Variants in DPP10 observed in about 807,000 individuals in gnomAD.
The protein encoded by DPP10 is inactive dipeptidyl peptidase 10.
DPP10 carries 33 observed loss-of-function variants against 120.9 expected under a neutral mutation model. That is an observed-to-expected ratio of 0.27 (90% CI 0.21 to 0.37). The LOEUF (loss-of-function observed/expected upper bound fraction) is 0.37. DPP10 is among the 10% of genes least tolerant of loss of function. DPP10 has a pLI of 1.00. For missense variants in DPP10, 816 were observed against 942.8 expected (o/e 0.87, Z 1.76); for synonymous variants, 337 against 326.1 (o/e 1.03, Z -0.36).
At chr2:115,719,402 A>G (rs1396288119) in intron 7 of DPP10, among the ~76,000 whole-genome samples, 4 of 152,188 alleles carry the variant, frequency 2.6e-5, no homozygotes, top group Admixed American at 1.3e-4. Context: ...TAGTGATTCT[A>G]TTTCTAGAAT....
At chr2:115,815,819 C>T in intron 21 of DPP10, 90 bp downstream of exon 21, 2 of 1,297,926 alleles carry the variant, frequency 1.5e-6, no homozygotes, top group Non-Finnish European at 1.1e-6. Context: ...CAGTTGGTTA[C>T]AGATAAGTTC....
chr2:115,839,018 A>G (rs1689815570), intron 24 of DPP10, among the ~76,000 whole-genome samples: 1 of 152,212 alleles, frequency 6.6e-6, no homozygotes, highest in South Asian at 2.1e-4. Context: ...TGCATTAGAA[A>G]CTAAGCAGAA....
intron 1 of DPP10, among the ~76,000 whole-genome samples, chr2:114,992,638 A>G (rs1700814669): frequency 6.6e-6 from 1 of 152,198 alleles, no homozygotes; most frequent in Non-Finnish European, 1.5e-5. Context: ...TTGACTAAGA[A>G]ACTCCTGAAA....
intron 19 of DPP10, among the ~76,000 whole-genome samples, chr2:115,814,147 T>C (rs1174004584): frequency 6.6e-6 from 1 of 152,166 alleles, no homozygotes; most frequent in Non-Finnish European, 1.5e-5. Flanking sequence ...CTTCTAGCTT[T>C]CAAGTTTTTC....
At chr2:114,726,907 C>T (rs558235431) in intron 1 of DPP10, among the ~76,000 whole-genome samples, 1 of 152,254 alleles carries the variant, frequency 6.6e-6, no homozygotes, top group South Asian at 2.1e-4. Flanking sequence ...TTTTATCATA[C>T]ATAAATATAG....
intron 5 of DPP10, among the ~76,000 whole-genome samples, chr2:115,564,556 A>G (rs569294323): frequency 6.6e-6 from 1 of 152,188 alleles, no homozygotes. Flanking sequence ...GTATTCCAGG[A>G]TATAAATGTA....
intron 5 of DPP10, among the ~76,000 whole-genome samples, chr2:115,635,531 G>T (rs1465799862): frequency 6.6e-6 from 1 of 152,182 alleles, no homozygotes; most frequent in Non-Finnish European, 1.5e-5. Flanking sequence ...CACCTACTCA[G>T]TCCCATTAAG....
At chr2:114,559,169 T>A (rs1688556239) in intron 1 of DPP10, among the ~76,000 whole-genome samples, 1 of 152,168 alleles carries the variant, frequency 6.6e-6, no homozygotes, top group Admixed American at 6.5e-5. Context: ...GCACATTGCC[T>A]TGTATGGAAA....
chr2:114,819,608 C>T (rs1011497641), intron 1 of DPP10, among the ~76,000 whole-genome samples: 7 of 152,160 alleles, frequency 4.6e-5, no homozygotes, highest in Non-Finnish European at 7.3e-5. Context: ...TTAAAGCCTG[C>T]GTAAAAAACC....
intron 19 of DPP10, among the ~76,000 whole-genome samples, chr2:115,813,137 G>A (rs941708932): frequency 6.8e-5 from 10 of 146,950 alleles, no homozygotes; most frequent in East Asian, 1.9e-4. Context: ...GCCCGCCACC[G>A]CGCCCGGCTA....
chr2:115,507,102 A>G (rs1005733750), intron 4 of DPP10, among the ~76,000 whole-genome samples: 4 of 151,908 alleles, frequency 2.6e-5, no homozygotes, highest in African/African-American at 7.3e-5. Context: ...ATTATGAACT[A>G]CTACTCTACT....
chr2:115,564,929 T>C (rs1245556809), intron 5 of DPP10, among the ~76,000 whole-genome samples: 2 of 152,168 alleles, frequency 1.3e-5, no homozygotes, highest in Non-Finnish European at 2.9e-5. Flanking sequence ...TGGCCTTTGA[T>C]GCTTGATGTT....
intron 17 of DPP10, among the ~76,000 whole-genome samples, chr2:115,790,854 AT>A (rs1683894166): frequency 6.6e-6 from 1 of 152,188 alleles, no homozygotes; most frequent in African/African-American, 2.4e-5. Context: ...TCAGATTTGC[AT>A]TTTGAAAACG....
intron 1 of DPP10, among the ~76,000 whole-genome samples, chr2:114,814,759 AG>A (rs1047942059): frequency 1.4e-4 from 21 of 152,306 alleles, no homozygotes; most frequent in African/African-American, 5.0e-4. Context: ...CTCCTGTCAA[AG>A]CCTTCTTTAT....
In DPP10 at chr2:114,552,583, T is replaced by G. The variant is rs555209964; in HGVS notation, c.60+109745T>G. Among the ~76,000 whole-genome samples, 31 of 152,264 alleles carry G rather than the reference T, an allele frequency of 2.0e-4. 1 individual carries two copies. In the South Asian group the frequency reaches 6.4e-3, roughly 32 times the overall value. ...TTTTTTAGACCAAGTCTTACTCTTA[T>G]TGCCCAGGTTGCAGTGCAGTGGCCC... On this transcript the variant is annotated intron_variant, in intron 1 of 25. Transcript: ENST00000410059.
At chr2:115,193,387 C>T (rs1296200082) in intron 1 of DPP10, among the ~76,000 whole-genome samples, 1 of 152,004 alleles carries the variant, frequency 6.6e-6, no homozygotes, top group Non-Finnish European at 1.5e-5. Flanking sequence ...TGCCTAAGAC[C>T]ACCAGATTAG....
intron 11 of DPP10, among the ~76,000 whole-genome samples, chr2:115,755,601 A>C (rs1559115045): frequency 6.6e-6 from 1 of 152,128 alleles, no homozygotes; most frequent in Admixed American, 6.5e-5. Context: ...ACATTGGTCT[A>C]GGCAAAGATT....
intron 3 of DPP10, among the ~76,000 whole-genome samples, chr2:115,424,119 A>T (rs539551192): frequency 6.6e-6 from 1 of 152,280 alleles, no homozygotes. Flanking sequence ...AAGTAATAAG[A>T]CATTATGACA....
At chr2:114,800,347 T>C (rs1684087252) in intron 1 of DPP10, among the ~76,000 whole-genome samples, 1 of 152,254 alleles carries the variant, frequency 6.6e-6, no homozygotes, top group South Asian at 2.1e-4. Context: ...TGTAAATTAC[T>C]TTTTATACAT....
Sources: gnomAD v4.1 joint callset for allele counts (sites outside exome capture counted in the v4.1 genomes callset) on GRCh38, gnomAD v4.1.1 for gene constraint, MANE v1.5 for transcripts, NCBI Gene and HGNC (gene_info 2026-07-23, HGNC 2026-07-21) for gene names.